Variants in CCDC7 observed in about 807,000 individuals in gnomAD.
CCDC7 encodes coiled-coil domain-containing protein 7.
CCDC7 carries 183 observed loss-of-function variants against 196.9 expected under a neutral mutation model. The observed-to-expected ratio is 0.93, with a 90% CI of 0.82 to 1.05. The LOEUF is 1.05. CCDC7 is among the 50% of genes least tolerant of loss of function. The pLI is 0.00. For synonymous variants in CCDC7, 525 were observed against 484.6 expected (o/e 1.08, Z -1.10); for missense variants, 1,540 against 1,482.2 (o/e 1.04, Z -0.64).
chr10:32,494,066 G>T (rs574930982), intron 9 of CCDC7, among the ~76,000 whole-genome samples: 16 of 151,920 alleles, frequency 1.1e-4, no homozygotes, highest in Admixed American at 1.0e-3. Context: ...GTCTATTTTT[G>T]CTTTTGTTAC....
At chr10:32,711,358 A>G (rs2080811782) in intron 24 of CCDC7, among the ~76,000 whole-genome samples, 1 of 152,114 alleles carries the variant, frequency 6.6e-6, no homozygotes, top group Admixed American at 6.6e-5. Flanking sequence ...GTATTAACCT[A>G]AAGTATAAAT....
chr10:32,761,764 G>A (rs932419777), intron 28 of CCDC7, among the ~76,000 whole-genome samples: 1 of 151,946 alleles, frequency 6.6e-6, no homozygotes, highest in African/African-American at 2.4e-5. Context: ...GATTAGGATA[G>A]AACAAAATCC....
intron 18 of CCDC7, among the ~76,000 whole-genome samples, chr10:32,595,579 T>C (rs1328663421): frequency 6.6e-6 from 1 of 152,220 alleles, no homozygotes; most frequent in Non-Finnish European, 1.5e-5. Flanking sequence ...TCTTGCCTTC[T>C]GCAAGCTTTT....
chr10:32,641,660 T>A (rs1274830041), intron 20 of CCDC7, among the ~76,000 whole-genome samples: 1 of 152,236 alleles, frequency 6.6e-6, no homozygotes, highest in Non-Finnish European at 1.5e-5. Context: ...CTCGTCAAAG[T>A]CATTCTCCAT....
rs962460797 is a variant in CCDC7, at chr10:32,464,852, A to T, written c.510+1803A>T. ...TTTGATTAATTATTCTCTCTTGTAT[A>T]TTCAGTTTCTCTCATTCAATTTATC... On this transcript the variant is annotated intron_variant, in intron 5 of 41. Transcript: ENST00000639629. Among the ~76,000 whole-genome samples, 10 of 152,154 alleles carry T rather than the reference A, an allele frequency of 6.6e-5. No individual in the cohort carries two copies. In the East Asian group the frequency reaches 1.5e-3, roughly 23 times the overall value.
chr10:32,572,174 A>G (rs2057655263), intron 16 of CCDC7, among the ~76,000 whole-genome samples: 1 of 152,128 alleles, frequency 6.6e-6, no homozygotes, highest in Non-Finnish European at 1.5e-5. Flanking sequence ...ATAGTGAGGA[A>G]CTAACCCTTA....
At chr10:32,855,934 G>A (rs965285908) in intron 41 of CCDC7, among the ~76,000 whole-genome samples, 1 of 152,054 alleles carries the variant, frequency 6.6e-6, no homozygotes. Flanking sequence ...TCACATATAT[G>A]GTCAAATGAT....
intron 28 of CCDC7, among the ~76,000 whole-genome samples, chr10:32,755,743 G>T (rs911954248): frequency 6.6e-6 from 1 of 152,132 alleles, no homozygotes; most frequent in African/African-American, 2.4e-5. Context: ...AACAAAGCTG[G>T]ACGGAGAATG....
intron 18 of CCDC7, among the ~76,000 whole-genome samples, chr10:32,608,491 TTG>T (rs2061759194): frequency 6.6e-6 from 1 of 152,134 alleles, no homozygotes; most frequent in African/African-American, 2.4e-5. Flanking sequence ...TTTTAATGTG[TTG>T]TGTTTCAATT....
intron 24 of CCDC7, among the ~76,000 whole-genome samples, chr10:32,702,115 G>T (rs2078856744): frequency 6.6e-6 from 1 of 152,026 alleles, no homozygotes. Context: ...TGATGTTAGG[G>T]TGTCCATTTT....
At chr10:32,745,960 G>T (rs1215847842) in intron 28 of CCDC7, among the ~76,000 whole-genome samples, 1 of 152,024 alleles carries the variant, frequency 6.6e-6, no homozygotes, top group East Asian at 1.9e-4. Flanking sequence ...ATTCAATTTT[G>T]GGGGGCACTG....
intron 20 of CCDC7, among the ~76,000 whole-genome samples, chr10:32,635,697 C>T (rs1391797004): frequency 2.0e-5 from 3 of 151,828 alleles, no homozygotes; most frequent in African/African-American, 7.3e-5. Context: ...GTAAATCTAC[C>T]AACTTTCTTC....
intron 33 of CCDC7, among the ~76,000 whole-genome samples, chr10:32,840,737 A>G (rs1199944497): frequency 6.6e-6 from 1 of 152,156 alleles, no homozygotes; most frequent in East Asian, 1.9e-4. Context: ...TGATGAACAT[A>G]GATGAAAAAA....
At chr10:32,841,603 G>C (rs561725972) in intron 33 of CCDC7, among the ~76,000 whole-genome samples, 12 of 151,934 alleles carry the variant, frequency 7.9e-5, no homozygotes, top group Admixed American at 5.9e-4. Flanking sequence ...CACAGAACTA[G>C]AAAAAACAAT....
chr10:32,753,797 T>C (rs943880510), intron 28 of CCDC7, among the ~76,000 whole-genome samples: 2 of 152,156 alleles, frequency 1.3e-5, no homozygotes, highest in Non-Finnish European at 2.9e-5. Context: ...GTTCCTCAAT[T>C]TCAGATTTTT....
At chr10:32,587,450 T>G (rs773865280) in intron 18 of CCDC7, among the ~76,000 whole-genome samples, 4 of 152,108 alleles carry the variant, frequency 2.6e-5, no homozygotes, top group Non-Finnish European at 4.4e-5. Context: ...TTGTGATAAC[T>G]TACCCCCTCC....
chr10:32,512,664 G>A (rs1452737277), intron 9 of CCDC7: 15 of 152,180 alleles, frequency 9.9e-5, no homozygotes, highest in Admixed American at 9.8e-4. Context: ...CAAAATTGAA[G>A]CAAAGTTACA....
At chr10:32,523,555 A>AAG (rs2048197878) in intron 11 of CCDC7, among the ~76,000 whole-genome samples, 1 of 152,028 alleles carries the variant, frequency 6.6e-6, no homozygotes, top group African/African-American at 2.4e-5. Flanking sequence ...TCTCCAAAAA[A>AAG]AAAAAAAACC....
intron 20 of CCDC7, among the ~76,000 whole-genome samples, chr10:32,655,096 A>C (rs1376479590): frequency 2.0e-5 from 3 of 152,152 alleles, no homozygotes; most frequent in Non-Finnish European, 4.4e-5. Context: ...ATACATCATC[A>C]AATAGTGGTT....
Sources: gnomAD v4.1 joint callset for allele counts (sites outside exome capture counted in the v4.1 genomes callset) on GRCh38, gnomAD v4.1.1 for gene constraint, MANE v1.5 for transcripts, NCBI Gene and HGNC (gene_info 2026-07-23, HGNC 2026-07-21) for gene names.